RBFOX1: variants seen among roughly 807,000 people sequenced by gnomAD.
RBFOX1 encodes RNA binding fox-1 homolog 1, also known as RNA binding protein fox-1 homolog 1.
A neutral mutation model predicts 57.7 loss-of-function variants in RBFOX1; 8 were observed. The ratio of observed to expected loss-of-function variants is 0.14; its 90% CI spans 0.08 to 0.25. The LOEUF (loss-of-function observed/expected upper bound fraction) is 0.25, where lower values mean the gene tolerates loss of function less well. RBFOX1 is among the 10% of genes least tolerant of loss of function. RBFOX1 has a pLI of 1.00. For synonymous variants in RBFOX1, 326 were observed against 222.4 expected (o/e 1.47, Z -4.15); for missense variants, 611 against 548.5 (o/e 1.11, Z -1.14).
intron 4 of RBFOX1, chr16:7,333,173 C>A: frequency 7.7e-7 from 1 of 1,304,640 alleles, no homozygotes; most frequent in Non-Finnish European, 1.1e-6. Context: ...AGAAAGCAAA[C>A]ACTTTTAATA....
chr16:7,230,278 A>C (rs1317406974), intron 4 of RBFOX1, among the ~76,000 whole-genome samples: 1 of 152,118 alleles, frequency 6.6e-6, no homozygotes, highest in Non-Finnish European at 1.5e-5. Flanking sequence ...AACAGAAAGT[A>C]CCTGCCGTCG....
rs1601031940 is a variant in RBFOX1 at position 7,530,765 on chromosome 16, T to A, written c.270+12376T>A. Among the ~76,000 whole-genome samples the A allele has an allele frequency of 2.0e-5, 3 of 152,284 alleles. No individual in the cohort carries two copies. The East Asian group carries it at 5.8e-4, about 29-fold the overall frequency. On this transcript the variant is annotated intron_variant, in intron 5 of 15. Transcript: ENST00000550418. ...GTGACTGTACAATCTCTGCAGGAGT[T>A]CAGAAGCTGGCTTCTGCCCCTGGTA...
At chr16:5,783,718 A>G (rs545132148) in intron 3 of RBFOX1, among the ~76,000 whole-genome samples, 114 of 152,340 alleles carry the variant, frequency 7.5e-4, no homozygotes, top group African/African-American at 2.7e-3. Flanking sequence ...GTTGTCTAAA[A>G]TTCCAGCCTG....
chr16:7,132,568 C>G (rs557619511), intron 4 of RBFOX1, among the ~76,000 whole-genome samples: 1 of 149,478 alleles, frequency 6.7e-6, no homozygotes, highest in African/African-American at 2.5e-5. Context: ...GAGAGGCACA[C>G]ATGTTTATGA....
intron 4 of RBFOX1, among the ~76,000 whole-genome samples, chr16:7,334,279 T>C (rs150345481): frequency 7.9e-4 from 121 of 152,232 alleles, no homozygotes; most frequent in African/African-American, 2.5e-3. Flanking sequence ...TTACCTGTTA[T>C]AAACAAATGG....
intron 1 of RBFOX1, among the ~76,000 whole-genome samples, chr16:6,229,986 A>G (rs1057189445): frequency 6.6e-6 from 1 of 152,198 alleles, no homozygotes; most frequent in Non-Finnish European, 1.5e-5. Flanking sequence ...TCAGTACACA[A>G]AAAATTGCCT....
intron 1 of RBFOX1, among the ~76,000 whole-genome samples, chr16:6,024,738 C>T (rs962166543): frequency 6.6e-6 from 1 of 152,214 alleles, no homozygotes; most frequent in African/African-American, 2.4e-5. Flanking sequence ...GCCTCCTCGG[C>T]CTCTCAAAGT....
chr16:6,227,400 C>CACAA (rs1567721949), intron 1 of RBFOX1, among the ~76,000 whole-genome samples: 1 of 152,162 alleles, frequency 6.6e-6, no homozygotes, highest in Non-Finnish European at 1.5e-5. Flanking sequence ...CTCCAATGTT[C>CACAA]TGTGTTTGTT....
chr16:6,489,862 G>A (rs757983828), intron 2 of RBFOX1, among the ~76,000 whole-genome samples: 13 of 152,190 alleles, frequency 8.5e-5, no homozygotes, highest in Non-Finnish European at 1.5e-4. Flanking sequence ...GTACAGGAGG[G>A]CACAATTTGC....
chr16:6,878,455 C>G (rs966864827), intron 3 of RBFOX1, among the ~76,000 whole-genome samples: 1 of 152,182 alleles, frequency 6.6e-6, no homozygotes, highest in Non-Finnish European at 1.5e-5. Context: ...AGCAACACCA[C>G]CCTGTCTCTT....
chr16:5,788,200 C>A (rs150474341), intron 3 of RBFOX1, among the ~76,000 whole-genome samples: 1 of 152,146 alleles, frequency 6.6e-6, no homozygotes, highest in Non-Finnish European at 1.5e-5. Flanking sequence ...CTGCTGTTGG[C>A]CGGTAGTTTA....
intron 4 of RBFOX1, among the ~76,000 whole-genome samples, chr16:7,230,626 C>T (rs1296089131): frequency 1.3e-5 from 2 of 152,292 alleles, no homozygotes; most frequent in East Asian, 1.9e-4. Flanking sequence ...CCACTAGCTT[C>T]TGATGCATTC....
At chr16:5,629,922 A>G (rs763555397) in intron 3 of RBFOX1, among the ~76,000 whole-genome samples, 1 of 152,164 alleles carries the variant, frequency 6.6e-6, no homozygotes, top group Non-Finnish European at 1.5e-5. Context: ...GGAGTCAGTT[A>G]GCTGATGTTG....
rs531328130 is a variant in RBFOX1, at chr16:6,610,494, AT to A, written c.-63-44102del. ...AGGTGCATGCCACCACACTCAGCTG[AT>A]TTTTTTGTACTTTTTGTAGAGATGA... On this transcript the variant is annotated intron_variant, in intron 2 of 15. Transcript: ENST00000550418. Among the ~76,000 whole-genome samples, 41 of 151,954 alleles carry A rather than the reference AT, an allele frequency of 2.7e-4. No individual in the cohort carries two copies. The East Asian group carries it at 8.0e-3, about 30-fold the overall frequency.
At chr16:6,066,697 AC>A (rs2095768090) in intron 1 of RBFOX1, among the ~76,000 whole-genome samples, 1 of 152,106 alleles carries the variant, frequency 6.6e-6, no homozygotes, top group African/African-American at 2.4e-5. Context: ...GAGTGTTTGG[AC>A]AAAAATGGCA....
chr16:7,507,886 T>G (rs538480919), intron 4 of RBFOX1, among the ~76,000 whole-genome samples: 321 of 151,492 alleles, frequency 2.1e-3, no homozygotes, highest in Non-Finnish European at 4.1e-3. Flanking sequence ...TTTAAAAGAA[T>G]ACATAAGGAG....
At chr16:7,419,521 A>G (rs997134394) in intron 4 of RBFOX1, among the ~76,000 whole-genome samples, 1 of 152,194 alleles carries the variant, frequency 6.6e-6, no homozygotes, top group African/African-American at 2.4e-5. Flanking sequence ...TTTCCTGCGC[A>G]TTTGAATAAT....
chr16:6,610,189 TATC>T (rs1230441131), intron 2 of RBFOX1, among the ~76,000 whole-genome samples: 2 of 152,186 alleles, frequency 1.3e-5, no homozygotes, highest in African/African-American at 2.4e-5. Context: ...TAGACTAAAT[TATC>T]ATTCTGCTGA....
chr16:5,464,812 G>C (rs867002952), intron 1 of RBFOX1, among the ~76,000 whole-genome samples: 1 of 152,212 alleles, frequency 6.6e-6, no homozygotes, highest in Non-Finnish European at 1.5e-5. Flanking sequence ...CTTGGAGATT[G>C]TGAAGGGGAG....
Sources: gnomAD v4.1 joint callset for allele counts (sites outside exome capture counted in the v4.1 genomes callset) on GRCh38, gnomAD v4.1.1 for gene constraint, MANE v1.5 for transcripts, NCBI Gene and HGNC (gene_info 2026-07-23, HGNC 2026-07-21) for gene names.